CFAP96: variants seen among roughly 807,000 people sequenced by gnomAD.
CFAP96 encodes the protein cilia-and flagella-associated protein 96.
the CFAP96 span, among the ~76,000 whole-genome samples, chr4:185,440,070 A>G: frequency 6.7e-6 from 1 of 150,266 alleles, no homozygotes; most frequent in Non-Finnish European, 1.5e-5. Context: ...CGTATCTCAT[A>G]TATACATATA....
the CFAP96 span, chr4:185,429,358 C>G: frequency 3.7e-6 from 4 of 1,076,814 alleles, no homozygotes; most frequent in Admixed American, 1.5e-4. Context: ...ACACGTGACC[C>G]TAGGGAAACT....
the CFAP96 span, among the ~76,000 whole-genome samples, chr4:185,408,930 T>C: frequency 2.0e-5 from 3 of 152,206 alleles, no homozygotes; most frequent in Non-Finnish European, 4.4e-5. Flanking sequence ...TCTTTATGTT[T>C]TTATTTTTCA....
chr4:185,426,481 T>G, the CFAP96 span: 2 of 152,952 alleles, frequency 1.3e-5, no homozygotes, highest in East Asian at 3.9e-4. Context: ...GGAAACAGAC[T>G]CCTCATCACC....
chr4:185,427,026 T>C, the CFAP96 span, among the ~76,000 whole-genome samples: 1 of 150,220 alleles, frequency 6.7e-6, no homozygotes, highest in Non-Finnish European at 1.5e-5. Flanking sequence ...ACAGCTCCAC[T>C]GCACTCCTAG....
the CFAP96 span, chr4:185,413,589 C>A: frequency 1.2e-6 from 1 of 851,326 alleles, no homozygotes; most frequent in South Asian, 2.3e-5. Context: ...TAAGCAATGT[C>A]TGTTAACAGA....
the CFAP96 span, among the ~76,000 whole-genome samples, chr4:185,417,880 C>G: frequency 6.6e-6 from 1 of 152,056 alleles, no homozygotes; most frequent in South Asian, 2.1e-4. Flanking sequence ...CCCATCTCTA[C>G]TAAAAATACA....
the CFAP96 span, among the ~76,000 whole-genome samples, chr4:185,428,884 T>A: frequency 2.0e-5 from 3 of 152,242 alleles, no homozygotes; most frequent in South Asian, 6.2e-4. Context: ...GTGTTGTACA[T>A]CCTGAAAAGC....
At chr4:185,418,630 G>C in the CFAP96 span, 2 of 1,613,636 alleles carry the variant, frequency 1.2e-6, no homozygotes, top group Non-Finnish European at 1.7e-6. Flanking sequence ...GCATCAGTCA[G>C]TTCTCCAGGA....
At chr4:185,436,191 A>AT in the CFAP96 span, 58 of 1,547,366 alleles carry the variant, frequency 3.7e-5, no homozygotes, top group Non-Finnish European at 4.8e-5. Context: ...TGGGTAAGAT[A>AT]TTTTTAATAC....
chr4:185,408,522 C>T, the CFAP96 span: 1 of 1,351,376 alleles, frequency 7.4e-7, no homozygotes, highest in Non-Finnish European at 1.0e-6. Context: ...GTTTAATGTT[C>T]TTAGAGTTAG....
At chr4:185,429,441 G>A in the CFAP96 span, 707 of 1,537,094 alleles carry the variant, frequency 4.6e-4, no homozygotes, top group Non-Finnish European at 5.9e-4. Flanking sequence ...AAACGGACAT[G>A]GAAAGGATTG....
the CFAP96 span, among the ~76,000 whole-genome samples, chr4:185,412,547 G>A: frequency 1.3e-5 from 2 of 152,144 alleles, no homozygotes; most frequent in Non-Finnish European, 1.5e-5. Flanking sequence ...GAACTGAGAG[G>A]TGCAGAGTTA....
the CFAP96 span, among the ~76,000 whole-genome samples, chr4:185,412,069 AGTTTTGCTTC>A: frequency 6.7e-6 from 1 of 149,512 alleles, no homozygotes; most frequent in African/African-American, 2.5e-5. Flanking sequence ...AGACTGGTAA[AGTTTTGCTTC>A]TTAAATTAGG....
the CFAP96 span, among the ~76,000 whole-genome samples, chr4:185,443,342 A>ATATATATATTTTTT: frequency 0.012 from 324 of 26,666 alleles, 8 homozygotes; most frequent in Non-Finnish European, 0.019. Flanking sequence ...ATATATATAT[A>ATATATATATTTTTT]TTTTTTTTTT....
chr4:185,429,643 G>A, the CFAP96 span: 26 of 591,510 alleles, frequency 4.4e-5, no homozygotes, highest in Middle Eastern at 4.4e-4. Flanking sequence ...GTTTGTTAAC[G>A]TGTAAAATTT....
At chr4:185,409,137 G>A in the CFAP96 span, among the ~76,000 whole-genome samples, 1 of 152,016 alleles carries the variant, frequency 6.6e-6, no homozygotes, top group African/African-American at 2.4e-5. Context: ...AATGAAGGAA[G>A]GAATAAAGGA....
the CFAP96 span, chr4:185,426,044 C>A: frequency 2.9e-6 from 2 of 679,706 alleles, no homozygotes; most frequent in Non-Finnish European, 5.0e-6. Context: ...CCCTCGCGGA[C>A]GGCGAGGCGG....
chr4:185,419,899 G>C, the CFAP96 span, among the ~76,000 whole-genome samples: 1 of 152,130 alleles, frequency 6.6e-6, no homozygotes, highest in African/African-American at 2.4e-5. Context: ...TTTCTGTGTG[G>C]ATGTGTTTTC....
At chr4:185,409,148 A>G in the CFAP96 span, among the ~76,000 whole-genome samples, 1 of 152,214 alleles carries the variant, frequency 6.6e-6, no homozygotes, top group Non-Finnish European at 1.5e-5. Context: ...GAATAAAGGA[A>G]TGAACAAACA....
Sources: gnomAD v4.1 joint callset for allele counts (sites outside exome capture counted in the v4.1 genomes callset) on GRCh38, gnomAD v4.1.1 for gene constraint, MANE v1.5 for transcripts, NCBI Gene and HGNC (gene_info 2026-07-23, HGNC 2026-07-21) for gene names.